ITGB4: variants seen among roughly 807,000 people sequenced by gnomAD.
The protein encoded by ITGB4 is integrin beta-4.
A neutral mutation model predicts 207.6 loss-of-function variants in ITGB4; 159 were observed. The observed-to-expected ratio is 0.77, with a 90% CI of 0.67 to 0.87. The LOEUF is 0.87. Ranked by LOEUF, ITGB4 falls within the 40% of genes least tolerant of loss-of-function variation. The probability of loss-of-function intolerance (pLI) is 0.00; values close to 1 mark genes in which losing one functional copy is unlikely to be tolerated. For missense variants in ITGB4, 2,278 were observed against 2,546.8 expected (o/e 0.89, Z 2.27); for synonymous variants, 1,020 against 1,062.7 (o/e 0.96, Z 0.78).
Position 75,724,679 on chromosome 17 carries a change from G to T in ITGB4, c.-10-15G>T. 6.3e-7 allele frequency: 1 copy of T among 1,599,682 alleles called. No individual in the cohort carries two copies. The highest frequency in any genetic ancestry group is 1.7e-4 in the Middle Eastern group (1 of 6,036). On this transcript the variant is annotated splice_polypyrimidine_tract_variant and intron_variant, in intron 1 of 39. Transcript: ENST00000200181. Reference sequence around the variant, plus strand: ...GCTGTGGAGGCCTCATGTGTCAATTGTTGCTGTTCTGCAGGAGGAAGAGGA... The same window carrying T: ...GCTGTGGAGGCCTCATGTGTCAATTTTTGCTGTTCTGCAGGAGGAAGAGGA...
chr17:75,750,355 G>T lies in ITGB4; in HGVS notation c.3474+87G>T. ...AAGAGGTGGGCCGTCCAAGGCCAGGGCCCCCTGAGAGAGAGCAGACAGTGG... is the reference window on the plus strand; with the variant it reads ...AAGAGGTGGGCCGTCCAAGGCCAGGTCCCCCTGAGAGAGAGCAGACAGTGG... On this transcript the variant is annotated intron_variant, in intron 28 of 39. Coordinates refer to ENST00000200181, the MANE Select transcript of ITGB4 (RefSeq NM_000213.5). The surrounding 1 kb of genome is among the most constrained non-coding windows in gnomAD (Gnocchi z 5.5). 7.3e-7 allele frequency: 1 copy of T among 1,371,636 alleles called. No homozygotes were observed. The highest frequency in any genetic ancestry group is 1.0e-6 in the Non-Finnish European group (1 of 1,002,568). 85.0% of individuals were successfully genotyped at this position (1,371,636 alleles called of 1,614,324 possible). A position where few individuals can be genotyped will look rare whatever the true frequency, so the allele number is the denominator to read the frequency against.
chr17:75,755,336 G>A, intron 34 of ITGB4: 1 of 1,042,944 alleles, frequency 9.6e-7, no homozygotes, highest in Non-Finnish European at 1.4e-6. Flanking sequence ...ACCCCCGCCT[G>A]CCCACAGGCG....
At position 75,732,594 on chromosome 17, in the gene ITGB4, C is replaced by T. The variant is rs1272332745; in HGVS notation, c.1454+355C>T. ...CATATTGCCTGATCAGAAGAGAGCT[C>T]GTAAATGCACGGCAGTAAGGGCTTT... On this transcript the variant is annotated intron_variant, in intron 12 of 39. Transcript: ENST00000200181. This position sits in a 1 kb window ranked among gnomAD's most constrained non-coding sequence, Gnocchi z 5.3. Among the ~76,000 whole-genome samples, 4 of 151,980 alleles carry T rather than the reference C, an allele frequency of 2.6e-5. No homozygotes were observed. Among genetic ancestry groups the T allele is most frequent in the Admixed American group, 2.6e-4 (4 of 15,234 alleles).
chr17:75,724,062 A>G (rs1422409877), intron 1 of ITGB4, among the ~76,000 whole-genome samples: 1 of 152,194 alleles, frequency 6.6e-6, no homozygotes, highest in African/African-American at 2.4e-5. Flanking sequence ...GGGGCCCAGA[A>G]AACTTAACTC....
Position 75,742,686 on chromosome 17 carries a change from G to A in ITGB4, c.2887G>A (p.Glu963Lys), listed in dbSNP as rs2061140720. The A allele has an allele frequency of 1.2e-6, 2 of 1,613,820 alleles. No homozygotes were observed. Among genetic ancestry groups the A allele is most frequent in the African/African-American group, 2.7e-5 (2 of 74,926 alleles). Residue 963 changes from glutamate (E) to lysine (K), a missense_variant, in exon 25 of 40, where the codon GAG (glutamate) becomes AAG (lysine). Coordinates refer to ENST00000200181, the MANE Select transcript of ITGB4 (RefSeq NM_000213.5). The surrounding 1 kb of genome is among the most constrained non-coding windows in gnomAD (Gnocchi z 5.9). ...EDDDEKQLLV[E>K]AIDVPAGTAT... ...TGACGACGAGAAGCAGCTGCTGGTG[G>A]AGGCCATCGACGTGCCCGCAGGCAC...
chr17:75,751,278 A>C (rs1386414293), intron 30 of ITGB4, among the ~76,000 whole-genome samples, 167 bp downstream of exon 30: 1 of 152,188 alleles, frequency 6.6e-6, no homozygotes, highest in African/African-American at 2.4e-5. Context: ...GGTTTTGGCC[A>C]GATTTGGGCT....
chr17:75,731,457 C>T lies in ITGB4; in HGVS notation c.1215+89C>T. On this transcript the variant is annotated intron_variant, in intron 10 of 39. Transcript: ENST00000200181. The surrounding 1 kb of genome is among the most constrained non-coding windows in gnomAD (Gnocchi z 6.8). ...TTTAAAACAGCGGTCAAGAGCGTGG[C>T]CCCTGGAGTCAGGCAGGCCTGGGTG... The T allele has an allele frequency of 3.7e-6, 5 of 1,364,904 alleles. No homozygotes were observed. The highest frequency in any genetic ancestry group is 1.8e-5 in the Admixed American group (1 of 54,624). The allele number at this position is 1,364,904 out of a possible 1,614,324, so 84.5% of individuals were successfully genotyped here. A position where few individuals can be genotyped will look rare whatever the true frequency, so the allele number is the denominator to read the frequency against.
At position 75,730,347 on chromosome 17, in the gene ITGB4, G is replaced by C. The variant is rs750995510; in HGVS notation, c.845G>C (p.Ser282Thr). 2 of 1,613,886 alleles carry C rather than the reference G, an allele frequency of 1.2e-6. No individual in the cohort carries two copies. Among genetic ancestry groups the C allele is most frequent in the South Asian group, 2.2e-5 (2 of 91,088 alleles). The change falls in exon 8 of 40, where the codon AGC (serine) becomes ACC (threonine). Residue 282 changes from serine (S) to threonine (T), a missense_variant. By Grantham distance (58) the Ser-to-Thr change is moderately conservative. Transcript: ENST00000200181. ...GCCAACGTGCTGGCTGGCATCATGA[G>C]CCGCAACGATGAACGGTGCCACCTG... ...DGANVLAGIM[S>T]RNDERCHLDT...
chr17:75,744,563 C>T (rs1178659713), intron 26 of ITGB4, among the ~76,000 whole-genome samples: 1 of 152,166 alleles, frequency 6.6e-6, no homozygotes, highest in Non-Finnish European at 1.5e-5. Flanking sequence ...CTTTGGGTTT[C>T]TTGAGCTGGG....
Position 75,727,801 on chromosome 17 carries a change from T to C in ITGB4, c.415T>C (p.Ser139Pro). 1 of 1,614,074 alleles carries C rather than the reference T, an allele frequency of 6.2e-7. No individual in the cohort carries two copies. ...PVDLYILMDF[S>P]NSMSDDLDNL... Reference sequence around the variant, plus strand: ...GGACCTGTACATCCTCATGGACTTCTCCAACTCCATGTCCGATGATCTGGA... The same window carrying C: ...GGACCTGTACATCCTCATGGACTTCCCCAACTCCATGTCCGATGATCTGGA... The change falls in exon 5 of 40, where the codon TCC becomes CCC. Residue 139 changes from serine to proline, a missense_variant. Coordinates refer to ENST00000200181, the MANE Select transcript of ITGB4 (RefSeq NM_000213.5). The surrounding 1 kb of genome is among the most constrained non-coding windows in gnomAD (Gnocchi z 6.0).
At position 75,731,561 on chromosome 17, in the gene ITGB4, G is replaced by A. The variant is rs1449724864; in HGVS notation, c.1215+193G>A. Among the ~76,000 whole-genome samples the A allele has an allele frequency of 6.6e-6, 1 of 152,178 alleles. No homozygotes were observed. Among genetic ancestry groups the A allele is most frequent in the African/African-American group, 2.4e-5 (1 of 41,446 alleles). ...GGTTTCCTCGGCATGCAAGCGTCGA[G>A]CCCGGAGGCTTGCTGGGGCAGTAAA... On this transcript the variant is annotated intron_variant, in intron 10 of 39. Coordinates refer to ENST00000200181, the MANE Select transcript of ITGB4 (RefSeq NM_000213.5). This position sits in a 1 kb window ranked among gnomAD's most constrained non-coding sequence, Gnocchi z 6.8.
chr17:75,756,463 C>T lies in ITGB4; in HGVS notation c.4743C>T (p.Ala1581=). The change falls in exon 36 of 40, where the codon GCC becomes GCT. Residue 1581 remains alanine (A), a synonymous_variant. Transcript: ENST00000200181. ...ELHRLNIPNP[A]QTSVVVEDLL... ...ATCGGCTCAACATCCCCAACCCTGC[C>T]CAGACCTCGGTGGTGGTGGAAGACC... is the stretch of plus-strand genomic sequence containing the variant. The T allele has an allele frequency of 6.2e-7, 1 of 1,613,386 alleles. No individual in the cohort carries two copies. Among genetic ancestry groups the T allele is most frequent in the Non-Finnish European group, 8.5e-7 (1 of 1,179,998 alleles).
chr17:75,757,304 C>T lies in ITGB4; in HGVS notation c.5323C>T (p.Leu1775=), dbSNP rs2061539700. The change falls in exon 39 of 40, where the codon CTA becomes TTA. Residue 1775 remains leucine, a synonymous_variant. Transcript: ENST00000200181. ...CCACACCAGCGCCACCGAGCCCTTC[C>T]TAGTGGGTGAGCACTGAGGGCTAGG... ...TTHTSATEPF[L]VDGLTLGAQH... 6.2e-7 allele frequency: 1 copy of T among 1,612,272 alleles called. No individual in the cohort carries two copies. Among genetic ancestry groups the T allele is most frequent in the Non-Finnish European group, 8.5e-7 (1 of 1,179,966 alleles).
Position 75,724,192 on chromosome 17 carries a change from C to A in ITGB4, c.-10-502C>A, listed in dbSNP as rs2060671515. Among the ~76,000 whole-genome samples, 3 of 152,220 alleles carry A rather than the reference C, an allele frequency of 2.0e-5. No individual in the cohort carries two copies. In the South Asian group the frequency reaches 6.2e-4, roughly 32 times the overall value. ...CACTGCGGGCAGCTGTGGCCCAGCCCCAGGCCCCAGATATTGGGAGGGGCC... is the reference window on the plus strand; with the variant it reads ...CACTGCGGGCAGCTGTGGCCCAGCCACAGGCCCCAGATATTGGGAGGGGCC... On this transcript the variant is annotated intron_variant, in intron 1 of 39. Transcript: ENST00000200181.
intron 32 of ITGB4, 139 bp downstream of exon 32, chr17:75,752,716 T>A: frequency 9.5e-7 from 1 of 1,052,656 alleles, no homozygotes; most frequent in Non-Finnish European, 1.4e-6. Flanking sequence ...TGCAATGGAG[T>A]GCACATCTGT....
chr17:75,729,550 G>C lies in ITGB4; in HGVS notation c.738+114G>C, dbSNP rs1250078947. The C allele has an allele frequency of 9.2e-7, 1 of 1,089,202 alleles. No homozygotes were observed. The highest frequency in any genetic ancestry group is 1.6e-5 in the African/African-American group (1 of 63,110). 67.5% of individuals were successfully genotyped at this position (1,089,202 alleles called of 1,614,324 possible). A position where few individuals can be genotyped will look rare whatever the true frequency, so the allele number is the denominator to read the frequency against. Reference sequence around the variant, plus strand: ...CCAGGCTCACAGGCCCTGAGGGAAAGCCTGGGAGCCTGCAACCCCTTCACC... The same window carrying C: ...CCAGGCTCACAGGCCCTGAGGGAAACCCTGGGAGCCTGCAACCCCTTCACC... On this transcript the variant is annotated intron_variant, in intron 7 of 39. Transcript: ENST00000200181. The surrounding 1 kb of genome is among the most constrained non-coding windows in gnomAD (Gnocchi z 4.4).
intron 6 of ITGB4, 26 bp downstream of exon 6, chr17:75,728,499 G>A (rs777086623): frequency 1.9e-6 from 3 of 1,567,560 alleles, no homozygotes; most frequent in African/African-American, 1.3e-5. Context: ...GGTCCCGCAG[G>A]TGGGCAAGGG....
At chr17:75,724,398 C>T (rs774310522) in intron 1 of ITGB4, among the ~76,000 whole-genome samples, 2 of 152,388 alleles carry the variant, frequency 1.3e-5, no homozygotes, top group Non-Finnish European at 2.9e-5. Context: ...CACATCTGCC[C>T]TCAGGGAGCC....
Position 75,753,864 on chromosome 17 carries a change from G to A in ITGB4, c.4208G>A (p.Ser1403Asn), listed in dbSNP as rs751057511. Residue 1403 changes from serine to asparagine, a missense_variant, in exon 33 of 40, where the codon AGC becomes AAC. Ser to Asn is a conservative substitution (Grantham distance 46). Transcript: ENST00000200181. ...PPELIPRLSA[S>N]SGRSSDAEAP... The stretch of plus-strand genomic sequence containing the variant: ...GAGCTCATCCCGCGCCTGTCGGCCA[G>A]CAGCGGGCGCTCCTCCGACGCCGAG... The A allele has an allele frequency of 1.5e-6, 2 of 1,365,378 alleles. No individual in the cohort carries two copies. Among genetic ancestry groups the A allele is most frequent in the Middle Eastern group, 2.6e-4 (1 of 3,816 alleles). The allele number at this position is 1,365,378 out of a possible 1,614,324, so 84.6% of individuals were successfully genotyped here.
Sources: allele counts gnomAD v4.1 joint callset (sites outside exome capture counted in the v4.1 genomes callset), GRCh38; gene constraint gnomAD v4.1.1; non-coding constraint Gnocchi (gnomAD v3.1); transcripts MANE v1.5; gene names NCBI Gene and HGNC (gene_info 2026-07-23, HGNC 2026-07-21).